Variants in MDH1B observed in about 807,000 individuals in gnomAD.
The protein encoded by MDH1B is putative malate dehydrogenase 1B.
A neutral mutation model predicts 61.4 loss-of-function variants in MDH1B; 60 were observed. That is an observed-to-expected ratio of 0.98 (90% confidence interval 0.79 to 1.21). The LOEUF is 1.21. Among genes scored for constraint, MDH1B ranks in the 50% most tolerant of loss-of-function variants. The pLI, the probability that MDH1B is intolerant of heterozygous loss-of-function variation, is 0.00. For synonymous variants in MDH1B, 236 were observed against 218.7 expected (o/e 1.08, Z -0.70); for missense variants, 587 against 632.1 (o/e 0.93, Z 0.76).
chr2:206,754,878 C>A lies in MDH1B; in HGVS notation c.910+131G>T, dbSNP rs1688663915. On this transcript the variant is annotated intron_variant, in intron 5 of 11. Coordinates refer to ENST00000374412, the MANE Select transcript of MDH1B (RefSeq NM_001039845.3). Reference sequence around the variant, plus strand: ...CAGTAGTCAAATCACACAATAAGTTCTTTATGTCTGTTTTATACTTCCTAT... The same window carrying A: ...CAGTAGTCAAATCACACAATAAGTTATTTATGTCTGTTTTATACTTCCTAT... 8 of 1,053,832 alleles carry A rather than the reference C, an allele frequency of 7.6e-6. No homozygotes were observed. The East Asian group carries it at 1.0e-4, about 14-fold the overall frequency. 65.3% of individuals were successfully genotyped at this position (1,053,832 alleles called of 1,614,324 possible). A position where few individuals can be genotyped will look rare whatever the true frequency, so the allele number is the denominator to read the frequency against.
chr2:206,746,531 A>G (rs1362660735), intron 7 of MDH1B, 105 bp from the exon 8 acceptor site: 2 of 1,198,298 alleles, frequency 1.7e-6, no homozygotes, highest in East Asian at 2.7e-5. Context: ...AGGATTTTTA[A>G]TGATAATGAT....
chr2:206,739,368 C>G (rs372760043), intron 11 of MDH1B, among the ~76,000 whole-genome samples: 14 of 151,780 alleles, frequency 9.2e-5, no homozygotes, highest in Admixed American at 8.5e-4. Context: ...GAGCTGTAAC[C>G]GCACCACTGC....
At chr2:206,745,836 C>T (rs1283652464) in intron 8 of MDH1B, among the ~76,000 whole-genome samples, 163 bp from the exon 9 acceptor site, 1 of 150,716 alleles carries the variant, frequency 6.6e-6, no homozygotes, top group African/African-American at 2.4e-5. Context: ...TTGGTTCAAG[C>T]GATTCTCCTG....
At chr2:206,745,203 T>G (rs1161999484) in intron 9 of MDH1B, among the ~76,000 whole-genome samples, 2 of 152,092 alleles carry the variant, frequency 1.3e-5, no homozygotes, top group African/African-American at 2.4e-5. Context: ...ATGCAAGCAG[T>G]GCAACCCAAA....
intron 6 of MDH1B, 75 bp downstream of exon 6, chr2:206,750,859 A>G (rs774786234): frequency 1.1e-5 from 13 of 1,219,990 alleles, no homozygotes; most frequent in Middle Eastern, 2.5e-4. Flanking sequence ...GATTTATGAG[A>G]TGATTTAAAA....
At chr2:206,754,929 G>A in intron 5 of MDH1B, 80 bp downstream of exon 5, 1 of 1,441,510 alleles carries the variant, frequency 6.9e-7, no homozygotes, top group Non-Finnish European at 9.5e-7. Flanking sequence ...TGTTCCTAGA[G>A]GGGACAGTGT....
In MDH1B at chr2:206,755,416, A is replaced by G; in HGVS notation, c.503T>C (p.Phe168Ser). 1 of 1,614,236 alleles carries G rather than the reference A, an allele frequency of 6.2e-7. No homozygotes were observed. The highest frequency in any genetic ancestry group is 8.5e-7 in the Non-Finnish European group (1 of 1,180,028). Reference protein sequence around the residue: ...GMHTEISITLFDNKQAEEHLK... With the variant: ...GMHTEISITLSDNKQAEEHLK... ...ATGTTCTTCCGCCTGCTTGTTGTCA[A>G]ATAGAGTTATGCTAATTTCTGTATG... is the stretch of plus-strand genomic sequence containing the variant. The change falls in exon 5 of 12, where the codon TTT becomes TCT. Residue 168 changes from phenylalanine (F) to serine (S), a missense_variant. Transcript: ENST00000374412.
chr2:206,739,498 G>T, intron 11 of MDH1B, 95 bp downstream of exon 11: 3 of 1,141,794 alleles, frequency 2.6e-6, no homozygotes, highest in Admixed American at 1.9e-5. Context: ...GGGAGGGTTT[G>T]ACAAGAATAG....
chr2:206,754,876 T>G, intron 5 of MDH1B, 133 bp downstream of exon 5: 3 of 1,023,490 alleles, frequency 2.9e-6, no homozygotes, highest in Non-Finnish European at 4.1e-6. Flanking sequence ...ACACAATAAG[T>G]TCTTTATGTC....
chr2:206,758,333 A>G (rs1688879025), intron 2 of MDH1B, among the ~76,000 whole-genome samples: 1 of 152,234 alleles, frequency 6.6e-6, no homozygotes, highest in East Asian at 1.9e-4. Context: ...CTTTTCGGCA[A>G]TTCAAGAGTG....
intron 9 of MDH1B, among the ~76,000 whole-genome samples, chr2:206,743,614 T>G (rs1340364581): frequency 6.6e-6 from 1 of 152,222 alleles, no homozygotes; most frequent in Non-Finnish European, 1.5e-5. Flanking sequence ...CCATGTGACA[T>G]TTCCATTTTA....
intron 10 of MDH1B, among the ~76,000 whole-genome samples, chr2:206,739,907 T>C (rs1443059909): frequency 6.6e-6 from 1 of 152,182 alleles, no homozygotes; most frequent in Admixed American, 6.6e-5. Context: ...ATAGCATCTT[T>C]CTACCAACAT....
At chr2:206,741,143 T>C in intron 9 of MDH1B, 39 bp from the exon 10 acceptor site, 9 of 1,611,066 alleles carry the variant, frequency 5.6e-6, no homozygotes, top group Non-Finnish European at 7.6e-6. Context: ...GGATTTAGAA[T>C]ATAACCAACA....
chr2:206,760,721 GA>G (rs1181811922), intron 2 of MDH1B, among the ~76,000 whole-genome samples, 179 bp downstream of exon 2: 1 of 152,046 alleles, frequency 6.6e-6, no homozygotes, highest in Admixed American at 6.5e-5. Context: ...AGGTATTAGG[GA>G]AAAAACATAA....
intron 2 of MDH1B, among the ~76,000 whole-genome samples, chr2:206,757,836 G>T (rs1219912670): frequency 6.6e-6 from 1 of 152,128 alleles, no homozygotes; most frequent in East Asian, 1.9e-4. Flanking sequence ...AAAGTTATTT[G>T]GAGATTTCCG....
intron 2 of MDH1B, among the ~76,000 whole-genome samples, chr2:206,758,777 C>A (rs78730275): frequency 0.3 from 40,689 of 135,946 alleles, 6,935 homozygotes; most frequent in East Asian, 0.72. Flanking sequence ...AAAACACACA[C>A]ACACAAAAAA....
chr2:206,754,997 A>G lies in MDH1B; in HGVS notation c.910+12T>C, dbSNP rs1688669663. ...AAAATAAAAACAAAAACATAAAGAG[A>G]CATTCACTCACATGAAGGAGCTGTC... On this transcript the variant is annotated intron_variant, in intron 5 of 11. Coordinates refer to ENST00000374412, the MANE Select transcript of MDH1B (RefSeq NM_001039845.3). The G allele has an allele frequency of 6.2e-7, 1 of 1,605,076 alleles. No homozygotes were observed. Among genetic ancestry groups the G allele is most frequent in the East Asian group, 2.2e-5 (1 of 44,700 alleles).
intron 8 of MDH1B, among the ~76,000 whole-genome samples, chr2:206,745,935 T>G (rs555686457): frequency 2.6e-5 from 4 of 152,078 alleles, no homozygotes; most frequent in Admixed American, 6.6e-5. Flanking sequence ...GGTTTCTCCA[T>G]GTTGGTCAGG....
chr2:206,744,448 T>C (rs1448872909), intron 9 of MDH1B, among the ~76,000 whole-genome samples: 2 of 152,314 alleles, frequency 1.3e-5, no homozygotes, highest in Middle Eastern at 3.4e-3. Flanking sequence ...TATTTCTACA[T>C]GTATATATCC....
Sources: gnomAD v4.1 joint callset for allele counts (sites outside exome capture counted in the v4.1 genomes callset) on GRCh38, gnomAD v4.1.1 for gene constraint, MANE v1.5 for transcripts, NCBI Gene and HGNC (gene_info 2026-07-23, HGNC 2026-07-21) for gene names.